Variants in MACF1 observed in about 807,000 individuals in gnomAD.
The protein encoded by MACF1 is microtubule-actin cross-linking factor 1.
A neutral mutation model predicts 854.8 loss-of-function variants in MACF1; 193 were observed. That is an observed-to-expected ratio of 0.23 (90% CI 0.20 to 0.25). The LOEUF is 0.25. Ranked by LOEUF, MACF1 falls within the 10% of genes least tolerant of loss-of-function variation. MACF1 has a pLI of 1.00. For missense variants in MACF1, 7,722 were observed against 8,929.1 expected (o/e 0.86, Z 5.45); for synonymous variants, 3,185 against 3,226.7 (o/e 0.99, Z 0.44).
intron 1 of MACF1, among the ~76,000 whole-genome samples, chr1:39,228,122 C>A (rs938873364): frequency 1.3e-5 from 2 of 152,084 alleles, no homozygotes; most frequent in African/African-American, 4.8e-5. Context: ...AACAGCCTGG[C>A]CCATATGGTG....
At chr1:39,184,704 G>C (rs1032261227) in intron 2 of MACF1, among the ~76,000 whole-genome samples, 1 of 152,118 alleles carries the variant, frequency 6.6e-6, no homozygotes, top group African/African-American at 2.4e-5. Flanking sequence ...TTTATATTAA[G>C]ATTGTGAAAG....
intron 58 of MACF1, among the ~76,000 whole-genome samples, chr1:39,408,111 G>A (rs1434406222): frequency 1.3e-5 from 2 of 152,154 alleles, no homozygotes; most frequent in Non-Finnish European, 2.9e-5. Context: ...GGTCCAAGGA[G>A]GCTCAGGTTT....
chr1:39,225,383 A>AT (rs1644704912), intron 1 of MACF1, among the ~76,000 whole-genome samples: 1 of 149,596 alleles, frequency 6.7e-6, no homozygotes, highest in Non-Finnish European at 1.5e-5. Flanking sequence ...CGCCCGGCTA[A>AT]TTTTTTGTAT....
At chr1:39,366,947 T>C (rs1648769737) in intron 49 of MACF1, among the ~76,000 whole-genome samples, 1 of 141,144 alleles carries the variant, frequency 7.1e-6, no homozygotes, top group African/African-American at 2.7e-5. Flanking sequence ...CCTGGCCTTT[T>C]TTTTTTTTTT....
At chr1:39,226,875 C>A (rs935166078) in intron 1 of MACF1, among the ~76,000 whole-genome samples, 1 of 152,054 alleles carries the variant, frequency 6.6e-6, no homozygotes, top group Non-Finnish European at 1.5e-5. Flanking sequence ...ACACTTCTAT[C>A]TTTAGAGTGA....
At chr1:39,446,309 A>G (rs1298786935) in intron 80 of MACF1, among the ~76,000 whole-genome samples, 1 of 132,876 alleles carries the variant, frequency 7.5e-6, no homozygotes, top group Non-Finnish European at 1.6e-5. Context: ...TTTTATATCT[A>G]TAAAGTAGAT....
At chr1:39,372,654 T>C in intron 52 of MACF1, 58 bp downstream of exon 52, 1 of 1,066,192 alleles carries the variant, frequency 9.4e-7, no homozygotes. Flanking sequence ...TTTTGGCCTT[T>C]GGAGATGCCT....
chr1:39,149,008 A>G (rs1333625187), intron 2 of MACF1, among the ~76,000 whole-genome samples: 1 of 152,188 alleles, frequency 6.6e-6, no homozygotes, highest in Admixed American at 6.5e-5. Flanking sequence ...GAATATTAAT[A>G]TAGCAGCATG....
At chr1:39,427,888 G>C in intron 62 of MACF1, 73 bp from the exon 63 acceptor site, 1 of 1,170,838 alleles carries the variant, frequency 8.5e-7, no homozygotes, top group Non-Finnish European at 1.2e-6. Flanking sequence ...TGTATCATTT[G>C]TTATTCATCA....
At chr1:39,324,518 G>A (rs1436615386) in intron 34 of MACF1, 128 bp from the exon 35 acceptor site, 4 of 1,024,374 alleles carry the variant, frequency 3.9e-6, no homozygotes, top group Admixed American at 2.7e-5. Context: ...ATCAGCTGTA[G>A]CTCATTGGTG....
At chr1:39,422,641 T>C (rs1643584676) in intron 59 of MACF1, 89 bp from the exon 60 acceptor site, 1 of 1,539,946 alleles carries the variant, frequency 6.5e-7, no homozygotes. Context: ...AATTTAGCAG[T>C]TGCAATCTAT....
In MACF1 at chr1:39,261,025, G is replaced by C. The variant is rs1022507085; in HGVS notation, c.528+2997G>C. Among the ~76,000 whole-genome samples the C allele has an allele frequency of 2.6e-5, 4 of 152,174 alleles. No homozygotes were observed. In the South Asian group the frequency reaches 8.3e-4, roughly 32 times the overall value. On this transcript the variant is annotated intron_variant, in intron 6 of 100. Transcript: ENST00000564288. The stretch of plus-strand genomic sequence containing the variant: ...CTTGAAATAATTTCTCTCTATTGTT[G>C]TTAAGCCACAAATTCAATACACAAT...
chr1:39,153,767 G>T (rs1011989434), intron 2 of MACF1, among the ~76,000 whole-genome samples: 1 of 152,218 alleles, frequency 6.6e-6, no homozygotes, highest in African/African-American at 2.4e-5. Context: ...TGCAGAGGCA[G>T]CTGTGGCCCT....
intron 2 of MACF1, among the ~76,000 whole-genome samples, chr1:39,235,144 C>T (rs1381458049): frequency 6.6e-6 from 1 of 152,204 alleles, no homozygotes; most frequent in Non-Finnish European, 1.5e-5. Flanking sequence ...CTTTGGGAGG[C>T]CAAGGCAGGC....
At chr1:39,301,700 C>T (rs1646046597) in intron 22 of MACF1, among the ~76,000 whole-genome samples, 4 of 152,124 alleles carry the variant, frequency 2.6e-5, no homozygotes, top group Admixed American at 2.0e-4. Flanking sequence ...GCTGGGATTA[C>T]AGGCATAAGC....
At chr1:39,259,984 T>C (rs1645142293) in intron 6 of MACF1, among the ~76,000 whole-genome samples, 1 of 152,274 alleles carries the variant, frequency 6.6e-6, no homozygotes, top group African/African-American at 2.4e-5. Context: ...TCAGAATAAT[T>C]AGTTGGTTCG....
chr1:39,360,696 TTTA>T lies in MACF1; in HGVS notation c.12245-91_12245-89del, dbSNP rs538254690. The T allele has an allele frequency of 3.2e-3, 971 of 306,180 alleles. 10 individuals carry two copies. The highest frequency in any genetic ancestry group is 0.027 in the African/African-American group (876 of 32,712). 19.0% of individuals were successfully genotyped at this position (306,180 alleles called of 1,614,324 possible). ...TATAATAATAATAATAATAATAATTTTTATTATTTATTATTTAATAATATTAAT... is the reference window on the plus strand; with the variant it reads ...TATAATAATAATAATAATAATAATTTTTATTTATTATTTAATAATATTAAT... On this transcript the variant is annotated intron_variant, in intron 47 of 100. Transcript: ENST00000564288.
intron 2 of MACF1, among the ~76,000 whole-genome samples, chr1:39,138,746 C>A (rs1407960573): frequency 6.6e-6 from 1 of 151,808 alleles, no homozygotes; most frequent in Non-Finnish European, 1.5e-5. Flanking sequence ...CTCACTGCAA[C>A]CTCCGCCTCC....
intron 43 of MACF1, among the ~76,000 whole-genome samples, chr1:39,352,052 C>A (rs1647199868): frequency 6.6e-6 from 1 of 152,148 alleles, no homozygotes; most frequent in African/African-American, 2.4e-5. Context: ...TCTCAAATGA[C>A]CTTCTGCACC....
Sources: allele counts gnomAD v4.1 joint callset (sites outside exome capture counted in the v4.1 genomes callset), GRCh38; gene constraint gnomAD v4.1.1; transcripts MANE v1.5; gene names NCBI Gene and HGNC (gene_info 2026-07-23, HGNC 2026-07-21).